The following ARHGAP32 variants were observed in gnomAD, a reference collection of about 807,000 sequenced individuals.
The protein encoded by ARHGAP32 is rho GTPase-activating protein 32.
In ARHGAP32, 51 loss-of-function variants were observed where a neutral mutation model predicts 186.5. The ratio of observed to expected loss-of-function variants is 0.27; its 90% CI spans 0.22 to 0.35. The LOEUF is 0.35. Among genes scored for constraint, ARHGAP32 ranks in the 10% least tolerant of loss-of-function variants. ARHGAP32 has a pLI of 1.00. For missense variants in ARHGAP32, 2,186 were observed against 2,623.5 expected, an observed-to-expected ratio of 0.83 and a Z score of 3.64; for synonymous variants, 950 against 964.3, an observed-to-expected ratio of 0.99 and a Z score of 0.27.
intron 1 of ARHGAP32, among the ~76,000 whole-genome samples, chr11:129,216,259 A>G (rs1354496009): frequency 1.3e-5 from 2 of 152,192 alleles, no homozygotes; most frequent in Non-Finnish European, 2.9e-5. Flanking sequence ...CATATTTGAC[A>G]GGCCACTATT....
intron 10 of ARHGAP32, among the ~76,000 whole-genome samples, chr11:129,046,577 T>C (rs1939815799): frequency 6.6e-6 from 1 of 152,174 alleles, no homozygotes; most frequent in African/African-American, 2.4e-5. Flanking sequence ...GATCTTCTTC[T>C]ACCTTGGGGA....
intron 5 of ARHGAP32, 122 bp from the exon 6 acceptor site, chr11:129,093,829 T>A: frequency 7.4e-6 from 5 of 676,460 alleles, no homozygotes; most frequent in Non-Finnish European, 1.3e-5. Flanking sequence ...ATGTGAGACA[T>A]ATCTTATATG....
At chr11:129,021,511 A>G (rs1202971794) in intron 11 of ARHGAP32, among the ~76,000 whole-genome samples, 3 of 152,062 alleles carry the variant, frequency 2.0e-5, no homozygotes, top group Non-Finnish European at 4.4e-5. Context: ...CTCATGCTAG[A>G]CCTTTAAAAA....
In ARHGAP32 at chr11:129,017,469, GA is replaced by G. The variant is rs1000109683; in HGVS notation, c.1046-19002del. Among the ~76,000 whole-genome samples the G allele has an allele frequency of 6.5e-3, 946 of 145,762 alleles. 8 individuals are homozygous for G. Among genetic ancestry groups the G allele is most frequent in the African/African-American group, 0.023 (906 of 39,762 alleles). Reference sequence around the variant, plus strand: ...TCTCAAAAAAAAAAAAAAAGAAAAAGAAAAAAAAAGTTTAAAATAATAACTA... The same window carrying G: ...TCTCAAAAAAAAAAAAAAAGAAAAAGAAAAAAAAGTTTAAAATAATAACTA... On this transcript the variant is annotated intron_variant, in intron 11 of 22. Coordinates refer to ENST00000682385, the MANE Select transcript of ARHGAP32 (RefSeq NM_001378024.1).
chr11:129,207,567 G>A (rs1304364509), intron 1 of ARHGAP32, among the ~76,000 whole-genome samples: 3 of 151,494 alleles, frequency 2.0e-5, no homozygotes, highest in African/African-American at 4.9e-5. Context: ...ATATCCTTTG[G>A]CCACTTTTTT....
chr11:128,969,044 C>T lies in ARHGAP32; in HGVS notation c.6169G>A (p.Gly2057Ser). ...PQHQRGVFGG[G>S]GMGTYVPPGF... ...GGGGGCACATACGTCCCCATGCCGC[C>T]CCCTCCAAAGACTCCTCGCTGGTGC... The change falls in exon 23 of 23, where the codon GGC becomes AGC. Residue 2057 changes from glycine to serine, a missense_variant. Coordinates refer to ENST00000682385, the MANE Select transcript of ARHGAP32 (RefSeq NM_001378024.1). The surrounding 1 kb of genome is among the most constrained non-coding windows in gnomAD (Gnocchi z 4.8). The T allele has an allele frequency of 6.2e-7, 1 of 1,612,346 alleles. No individual in the cohort carries two copies. Among genetic ancestry groups the T allele is most frequent in the Non-Finnish European group, 8.5e-7 (1 of 1,178,772 alleles).
chr11:128,970,603 C>G lies in ARHGAP32; in HGVS notation c.4610G>C (p.Arg1537Thr), dbSNP rs1335295065. The G allele has an allele frequency of 1.9e-6, 3 of 1,614,040 alleles. No homozygotes were observed. In the South Asian group the frequency reaches 3.3e-5, roughly 18 times the overall value. The change falls in exon 23 of 23, where the codon AGG (arginine) becomes ACG (threonine). Residue 1537 changes from arginine to threonine, a missense_variant. Physicochemically the swap from Arg to Thr is moderately conservative, Grantham distance 71 (BLOSUM62 -1). Coordinates refer to ENST00000682385, the MANE Select transcript of ARHGAP32 (RefSeq NM_001378024.1). The surrounding 1 kb of genome is among the most constrained non-coding windows in gnomAD (Gnocchi z 5.8). ...KLEQHQVYGA[R>T]SEPPASMGLR... is the part of the protein sequence containing the mutation. ...ACCCATGGAGGCTGGTGGCTCTGAC[C>G]TGGCACCATACACTTGGTGCTGCTC... is the stretch of plus-strand genomic sequence containing the variant.
At chr11:129,021,550 C>T (rs186319039) in intron 11 of ARHGAP32, among the ~76,000 whole-genome samples, 5 of 152,078 alleles carry the variant, frequency 3.3e-5, no homozygotes, top group African/African-American at 7.2e-5. Context: ...AATGGTCATA[C>T]GGTTAAGATA....
intron 1 of ARHGAP32, among the ~76,000 whole-genome samples, chr11:129,236,770 G>A (rs755021809): frequency 1.3e-5 from 2 of 152,128 alleles, no homozygotes; most frequent in Non-Finnish European, 2.9e-5. Flanking sequence ...CTCTGGCTAG[G>A]ACTTCCAGTA....
intron 6 of ARHGAP32, among the ~76,000 whole-genome samples, chr11:129,076,979 T>G (rs1337918185): frequency 9.9e-5 from 15 of 152,166 alleles, no homozygotes; most frequent in Admixed American, 9.8e-4. Flanking sequence ...ACACTCATCC[T>G]CACTGGGGAA....
In ARHGAP32 at chr11:129,123,756, G is replaced by A. The variant is rs1319343152; in HGVS notation, c.359+132C>T. The A allele has an allele frequency of 1.3e-5, 10 of 777,924 alleles. No individual in the cohort carries two copies. Among genetic ancestry groups the A allele is most frequent in the Non-Finnish European group, 1.9e-5 (10 of 513,802 alleles). The allele number at this position is 777,924 out of a possible 1,614,324, so 48.2% of individuals were successfully genotyped here. On this transcript the variant is annotated intron_variant, in intron 4 of 22. Transcript: ENST00000682385. This position sits in a 1 kb window ranked among gnomAD's most constrained non-coding sequence, Gnocchi z 4.6. Reference sequence around the variant, plus strand: ...AACCCAAAATAAAAAAAGCATCACCGTTATCTCCTAATTTTGACCCGAATC... The same window carrying A: ...AACCCAAAATAAAAAAAGCATCACCATTATCTCCTAATTTTGACCCGAATC...
Position 129,031,138 on chromosome 11 carries a change from A to G in ARHGAP32, c.1045+9790T>C, listed in dbSNP as rs183978185. ...TACAGCAACGCTAGAATAGACTAAC[A>G]CAACTGTGATATCTTGGCATGTAGA... On this transcript the variant is annotated intron_variant, in intron 11 of 22. Coordinates refer to ENST00000682385, the MANE Select transcript of ARHGAP32 (RefSeq NM_001378024.1). Among the ~76,000 whole-genome samples the G allele has an allele frequency of 2.2e-3, 342 of 152,322 alleles. 2 individuals carry two copies. Among genetic ancestry groups the G allele is most frequent in the African/African-American group, 7.4e-3 (308 of 41,550 alleles).
intron 5 of ARHGAP32, among the ~76,000 whole-genome samples, chr11:129,114,430 A>G (rs1415380123): frequency 2.0e-5 from 3 of 152,120 alleles, no homozygotes; most frequent in Non-Finnish European, 4.4e-5. Flanking sequence ...ACTTATTGGT[A>G]TATTACTTGT....
chr11:129,157,783 T>C (rs1174418133), intron 2 of ARHGAP32, among the ~76,000 whole-genome samples: 1 of 152,044 alleles, frequency 6.6e-6, no homozygotes, highest in African/African-American at 2.4e-5. Flanking sequence ...AATTGTCAGA[T>C]ACACCAAGGT....
chr11:129,211,480 G>C (rs1467783129), intron 1 of ARHGAP32, among the ~76,000 whole-genome samples: 1 of 152,120 alleles, frequency 6.6e-6, no homozygotes, highest in Non-Finnish European at 1.5e-5. Context: ...AAAACGCTGG[G>C]CATCTAACAC....
intron 5 of ARHGAP32, among the ~76,000 whole-genome samples, chr11:129,108,420 A>T (rs990281318): frequency 6.6e-6 from 1 of 152,230 alleles, no homozygotes; most frequent in Admixed American, 6.5e-5. Context: ...GAGAAAATTC[A>T]TCAAGAACAT....
At chr11:129,065,074 C>A in intron 7 of ARHGAP32, 141 bp from the exon 8 acceptor site, 1 of 627,206 alleles carries the variant, frequency 1.6e-6, no homozygotes, top group East Asian at 2.9e-5. Flanking sequence ...CAGAAACTTA[C>A]CAGTAGCACT....
At chr11:129,033,073 A>AT (rs1180121849) in intron 11 of ARHGAP32, among the ~76,000 whole-genome samples, 2 of 152,180 alleles carry the variant, frequency 1.3e-5, no homozygotes, top group African/African-American at 2.4e-5. Context: ...ATTCAATACT[A>AT]TTTTTTGTGA....
chr11:129,076,857 C>T (rs1398314203), intron 6 of ARHGAP32, among the ~76,000 whole-genome samples: 2 of 152,116 alleles, frequency 1.3e-5, no homozygotes, highest in Non-Finnish European at 2.9e-5. Flanking sequence ...ACCAGGAAAA[C>T]CAAAAGAAGT....
Sources: allele counts gnomAD v4.1 joint callset (sites outside exome capture counted in the v4.1 genomes callset), GRCh38; gene constraint gnomAD v4.1.1; non-coding constraint Gnocchi (gnomAD v3.1); transcripts MANE v1.5; gene names NCBI Gene and HGNC (gene_info 2026-07-23, HGNC 2026-07-21).